The following NOL8 variants were observed in gnomAD, a reference collection of about 807,000 sequenced individuals.
NOL8 encodes nucleolar protein Nop132.
In NOL8, 93 loss-of-function variants were observed where a neutral mutation model predicts 116.1. The ratio of observed to expected loss-of-function variants is 0.80; its 90% CI spans 0.68 to 0.95. The LOEUF is 0.95. Ranked by LOEUF, NOL8 falls within the 40% of genes least tolerant of loss-of-function variation. The pLI is 0.00. For missense variants in NOL8, 1,291 were observed against 1,382.8 expected, an observed-to-expected ratio of 0.93 and a Z score of 1.05; for synonymous variants, 419 against 469.0, an observed-to-expected ratio of 0.89 and a Z score of 1.38.
intron 12 of NOL8, among the ~76,000 whole-genome samples, chr9:92,302,617 A>G (rs991892466): frequency 3.3e-5 from 5 of 152,336 alleles, no homozygotes; most frequent in Middle Eastern, 3.4e-3. Context: ...AAAAAATGGT[A>G]GGCAGTTCCA....
chr9:92,299,988 A>G lies in NOL8; in HGVS notation c.3204T>C (p.Pro1068=), dbSNP rs758839502. 1 of 1,613,380 alleles carries G rather than the reference A, an allele frequency of 6.2e-7. No homozygotes were observed. Among genetic ancestry groups the G allele is most frequent in the Admixed American group, 1.7e-5 (1 of 60,004 alleles). The change falls in exon 14 of 17, where the codon CCT becomes CCC. Residue 1068 remains proline (P), a synonymous_variant. Transcript: ENST00000442668. ...EETYRVETVK[P]GKIVWQEDPR... is the part of the protein sequence containing the mutation. ...GGTCTTCCTGCCAGACAATCTTTCC[A>G]GGTTTCACTGTTTCAACTCTGTAGG... is the stretch of plus-strand genomic sequence containing the variant.
chr9:92,320,933 C>T (rs1021965309), intron 4 of NOL8, among the ~76,000 whole-genome samples: 7 of 152,140 alleles, frequency 4.6e-5, no homozygotes, highest in Non-Finnish European at 2.9e-5. Context: ...TAAATTGTTT[C>T]CTATTTTGAA....
At chr9:92,301,918 TCTATC>T in intron 12 of NOL8, 96 bp from the exon 13 acceptor site, 1 of 980,132 alleles carries the variant, frequency 1.0e-6, no homozygotes, top group Non-Finnish European at 1.4e-6. Context: ...CAACTTTAAT[TCTATC>T]CTATCAACAA....
intron 6 of NOL8, among the ~76,000 whole-genome samples, chr9:92,317,483 C>T: frequency 6.6e-6 from 1 of 152,134 alleles, no homozygotes; most frequent in East Asian, 1.9e-4. Flanking sequence ...ACAGCTATGT[C>T]CGGTGCAACT....
intron 16 of NOL8, 27 bp from the exon 17 acceptor site, chr9:92,297,913 C>T: frequency 6.6e-7 from 1 of 1,526,666 alleles, no homozygotes; most frequent in South Asian, 1.2e-5. Flanking sequence ...ACTTGGTTAG[C>T]AATAAACAAA....
chr9:92,301,565 T>G lies in NOL8; in HGVS notation c.3161A>C (p.Lys1054Thr), dbSNP rs1018392690. ...FTFSFFDSDTKDIKEETYRVE... is the reference protein window; with the variant it reads ...FTFSFFDSDTTDIKEETYRVE... ...AAGAAAAGTACCTTCCTTTATGTCT[T>G]TAGTGTCTGAATCAAAAAAAGAGAA... Residue 1054 changes from lysine (K) to threonine (T), a missense_variant, in exon 13 of 17, where the codon AAA (lysine) becomes ACA (threonine). Physicochemically the swap from Lys to Thr is moderately conservative, Grantham distance 78. Coordinates refer to ENST00000442668, the MANE Select transcript of NOL8 (RefSeq NM_017948.6). The G allele has an allele frequency of 1.9e-5, 31 of 1,596,544 alleles. No individual in the cohort carries two copies. The highest frequency in any genetic ancestry group is 5.3e-5 in the Admixed American group (3 of 56,262).
In NOL8 at chr9:92,316,109, G is replaced by A; in HGVS notation, c.516C>T (p.Cys172=). Residue 172 remains cysteine (C), a synonymous_variant, in exon 7 of 17, where the codon TGC becomes TGT. Coordinates refer to ENST00000442668, the MANE Select transcript of NOL8 (RefSeq NM_017948.6). The part of the protein sequence containing the change: ...KIIKYDPSKY[C]HNLKKIGEDF... ...CCTCCCCTATCTTCTTCAGGTTGTG[G>A]CAGTATTTTGAGGGATCATATTTGA... is the stretch of plus-strand genomic sequence containing the variant. The A allele has an allele frequency of 5.0e-6, 8 of 1,613,864 alleles. No individual in the cohort carries two copies. The highest frequency in any genetic ancestry group is 1.1e-5 in the South Asian group (1 of 91,060).
intron 13 of NOL8, chr9:92,300,697 T>C (rs1171185337): frequency 2.7e-6 from 3 of 1,096,588 alleles, no homozygotes; most frequent in South Asian, 2.2e-5. Flanking sequence ...GCAATACTTT[T>C]TGAACAACTA....
intron 6 of NOL8, 94 bp downstream of exon 6, chr9:92,318,524 A>G (rs1395370209): frequency 1.9e-5 from 17 of 895,188 alleles, no homozygotes; most frequent in Non-Finnish European, 2.8e-5. Context: ...ACAAACACCT[A>G]AAGATTCACT....
rs566655327 is a variant in NOL8 at position 92,300,116 on chromosome 9, A to G, written c.3176-100T>C. ...TTACTTTTACCACGTAGACATATCT[A>G]AAGTTCCAATATGTTAATCATTAAT... On this transcript the variant is annotated intron_variant, in intron 13 of 16. Transcript: ENST00000442668. 8.2e-6 allele frequency: 12 copies of G among 1,463,726 alleles called. No individual in the cohort carries two copies. In the East Asian group the frequency reaches 1.4e-4, roughly 18 times the overall value. The allele number at this position is 1,463,726 out of a possible 1,614,324, so 90.7% of individuals were successfully genotyped here.
rs1192801763 is a variant in NOL8 at position 92,314,304 on chromosome 9, ACTT to A, written c.2318_2320del (p.Glu773del). The A allele has an allele frequency of 1.9e-6, 3 of 1,598,298 alleles. No homozygotes were observed. The South Asian group carries it at 3.3e-5, about 18-fold the overall frequency. On this transcript the variant is annotated inframe_deletion, in exon 7 of 17. Transcript: ENST00000442668. ...AGCATTATGCACCAGCTTCTTCTGC[ACTT>A]CTTTTGCTTTTTGCCTCGCTTCCAA...
rs754286209 is a variant in NOL8 at position 92,311,185 on chromosome 9, C to T, written c.2433G>A (p.Ser811=). The T allele has an allele frequency of 1.9e-5, 30 of 1,613,690 alleles. No homozygotes were observed. Among genetic ancestry groups the T allele is most frequent in the South Asian group, 1.3e-4 (12 of 91,056 alleles). Residue 811 remains serine, a synonymous_variant, in exon 8 of 17, where the codon TCG becomes TCA. Transcript: ENST00000442668. ...SDSECETEET[S]TQEQSHPGEE... ...CTCCTGGATGGCTCTGCTCCTGAGT[C>T]GATGTCTCCTCTGTTTCACATTCAC... is the stretch of plus-strand genomic sequence containing the variant.
In NOL8 at chr9:92,314,326, C is replaced by T. The variant is rs768265388; in HGVS notation, c.2299G>A (p.Ala767Thr). The T allele has an allele frequency of 1.2e-6, 2 of 1,607,996 alleles. No homozygotes were observed. The highest frequency in any genetic ancestry group is 4.5e-5 in the East Asian group (2 of 44,754). The change falls in exon 7 of 17, where the codon GCG becomes ACG. Residue 767 changes from alanine (A) to threonine (T), a missense_variant. Coordinates refer to ENST00000442668, the MANE Select transcript of NOL8 (RefSeq NM_017948.6). ...TGCACTTCTTTTGCTTTTTGCCTCG[C>T]TTCCAAGGCTGCCAAACGCTTCTCA... ...DNEKRLAALE[A>T]RQKAKEVQKK...
chr9:92,311,013 A>G lies in NOL8; in HGVS notation c.2472+133T>C, dbSNP rs1838729724. ...AATCTCCAAGACCCCTGTAGTCTCA[A>G]TATGAGGTGACCTGGCAAGCCCTGG... On this transcript the variant is annotated intron_variant, in intron 8 of 16. Coordinates refer to ENST00000442668, the MANE Select transcript of NOL8 (RefSeq NM_017948.6). 16 of 669,126 alleles carry G rather than the reference A, an allele frequency of 2.4e-5. No homozygotes were observed. The South Asian group carries it at 3.0e-4, about 13-fold the overall frequency. 41.4% of individuals were successfully genotyped at this position (669,126 alleles called of 1,614,324 possible).
rs562562057 is a variant in NOL8, at chr9:92,301,615, G to A, written c.3111C>T (p.Asp1037=). The A allele has an allele frequency of 1.1e-5, 18 of 1,608,880 alleles. No individual in the cohort carries two copies. The highest frequency in any genetic ancestry group is 6.7e-5 in the East Asian group (3 of 44,794). ...EIQDPAALTS[D]AEQPSGFTFS... The stretch of plus-strand genomic sequence containing the variant: ...ACGTGAACCCGCTGGGCTGCTCAGC[G>A]TCACTGGTCAGAGCTGCAGGGTCCT... The change falls in exon 13 of 17, where the codon GAC becomes GAT. Residue 1037 remains aspartate, a synonymous_variant. Transcript: ENST00000442668.
At chr9:92,307,520 C>T (rs1488452515) in intron 10 of NOL8, among the ~76,000 whole-genome samples, 1 of 152,148 alleles carries the variant, frequency 6.6e-6, no homozygotes, top group African/African-American at 2.4e-5. Context: ...ACCATATGCC[C>T]TACACATACT....
intron 13 of NOL8, chr9:92,300,897 G>C: frequency 9.9e-7 from 1 of 1,008,048 alleles, no homozygotes; most frequent in Non-Finnish European, 1.2e-6. Context: ...AATCATTGTA[G>C]TTAGGTATGT....
chr9:92,321,278 A>T (rs1433233769), intron 4 of NOL8, among the ~76,000 whole-genome samples: 1 of 152,236 alleles, frequency 6.6e-6, no homozygotes, highest in Non-Finnish European at 1.5e-5. Context: ...AGAAACAGTC[A>T]TCAGTGGGAA....
chr9:92,321,204 T>G (rs1839893681), intron 4 of NOL8, among the ~76,000 whole-genome samples: 1 of 152,208 alleles, frequency 6.6e-6, no homozygotes, highest in South Asian at 2.1e-4. Context: ...TGATATAAAC[T>G]GAGAGAAACA....
Sources: allele counts gnomAD v4.1 joint callset (sites outside exome capture counted in the v4.1 genomes callset), GRCh38; gene constraint gnomAD v4.1.1; transcripts MANE v1.5; gene names NCBI Gene and HGNC (gene_info 2026-07-23, HGNC 2026-07-21).